ATP8A2: variants seen among roughly 807,000 people sequenced by gnomAD.
ATP8A2 encodes ATPase phospholipid transporting 8A2.
ATP8A2 carries 100 observed loss-of-function variants against 165.6 expected under a neutral mutation model. The ratio of observed to expected loss-of-function variants is 0.60; its 90% CI spans 0.51 to 0.71. The LOEUF (loss-of-function observed/expected upper bound fraction) is 0.71, where lower values mean the gene tolerates loss of function less well. Ranked by LOEUF, ATP8A2 falls within the 30% of genes least tolerant of loss-of-function variation. The pLI, the probability that ATP8A2 is intolerant of heterozygous loss-of-function variation, is 0.00. For synonymous variants in ATP8A2, 543 were observed against 548.8 expected (o/e 0.99, Z 0.15); for missense variants, 1,227 against 1,479.5 (o/e 0.83, Z 2.80).
intron 27 of ATP8A2, among the ~76,000 whole-genome samples, chr13:25,790,987 C>T (rs1173703336): frequency 6.6e-6 from 1 of 152,040 alleles, no homozygotes; most frequent in South Asian, 2.1e-4. Context: ...TTCCCAAAGA[C>T]CTAAAAACAG....
chr13:25,693,743 G>T (rs2042778151), intron 24 of ATP8A2, among the ~76,000 whole-genome samples: 1 of 152,110 alleles, frequency 6.6e-6, no homozygotes, highest in Admixed American at 6.5e-5. Context: ...AGGTTGGAGT[G>T]CAGTGGCACG....
chr13:25,742,945 G>A (rs2043948861), intron 25 of ATP8A2, among the ~76,000 whole-genome samples: 2 of 151,896 alleles, frequency 1.3e-5, no homozygotes, highest in African/African-American at 4.8e-5. Flanking sequence ...GGAAGGGAGG[G>A]GATTTATTGA....
chr13:25,576,120 C>G (rs979186509), intron 19 of ATP8A2, among the ~76,000 whole-genome samples: 1 of 152,124 alleles, frequency 6.6e-6, no homozygotes, highest in African/African-American at 2.4e-5. Context: ...GTTTCAAGAA[C>G]TGCTAGGAGT....
chr13:25,681,611 A>C (rs546835744), intron 24 of ATP8A2, among the ~76,000 whole-genome samples: 1 of 152,304 alleles, frequency 6.6e-6, no homozygotes, highest in South Asian at 2.1e-4. Context: ...CCACAATAAC[A>C]AAAAATGGCT....
At chr13:25,651,106 C>T (rs924126801) in intron 24 of ATP8A2, among the ~76,000 whole-genome samples, 4 of 152,008 alleles carry the variant, frequency 2.6e-5, no homozygotes, top group African/African-American at 9.7e-5. Flanking sequence ...TTGAAATTTT[C>T]TTTGTGAGAA....
chr13:25,920,384 C>A (rs1220579860), intron 33 of ATP8A2, among the ~76,000 whole-genome samples: 2 of 151,282 alleles, frequency 1.3e-5, no homozygotes, highest in African/African-American at 4.9e-5. Flanking sequence ...CCAGATGTAT[C>A]AATCTACACA....
At chr13:25,747,824 A>AC (rs1287393948) in intron 25 of ATP8A2, among the ~76,000 whole-genome samples, 19 of 152,338 alleles carry the variant, frequency 1.2e-4, no homozygotes, top group African/African-American at 4.3e-4. Context: ...ATAACATTGA[A>AC]TCACCAAGAA....
chr13:25,721,030 A>G (rs904181368), intron 25 of ATP8A2, among the ~76,000 whole-genome samples: 2 of 149,812 alleles, frequency 1.3e-5, no homozygotes, highest in East Asian at 3.9e-4. Flanking sequence ...CAGTGATGCA[A>G]TCTGTACCTC....
intron 27 of ATP8A2, among the ~76,000 whole-genome samples, chr13:25,810,155 C>T (rs1393006895): frequency 6.6e-6 from 1 of 152,198 alleles, no homozygotes; most frequent in East Asian, 1.9e-4. Context: ...ATATTGACTA[C>T]TGTGGGAAAA....
chr13:25,471,008 G>A (rs2035828153), intron 2 of ATP8A2, among the ~76,000 whole-genome samples: 1 of 152,110 alleles, frequency 6.6e-6, no homozygotes, highest in Admixed American at 6.5e-5. Context: ...ATGTGGATGG[G>A]GTTTCATTTT....
chr13:25,443,023 T>C (rs1455175734), intron 1 of ATP8A2, among the ~76,000 whole-genome samples: 4 of 152,246 alleles, frequency 2.6e-5, no homozygotes, highest in Non-Finnish European at 5.9e-5. Flanking sequence ...ATAGTATTAA[T>C]AGTTGCACAA....
At chr13:25,761,395 A>G (rs908869198) in intron 25 of ATP8A2, among the ~76,000 whole-genome samples, 2 of 152,210 alleles carry the variant, frequency 1.3e-5, no homozygotes, top group African/African-American at 4.8e-5. Flanking sequence ...TGTGTTAAAT[A>G]GTCATTTGTA....
chr13:25,772,285 A>AT lies in ATP8A2; in HGVS notation c.2569-2555dup, dbSNP rs1028099992. ...GACAGCATTTTGATTTAGAATATAC[A>AT]TTTTTTTTTCCTGAAAACAAATCAC... On this transcript the variant is annotated intron_variant, in intron 26 of 36. Coordinates refer to ENST00000381655, the MANE Select transcript of ATP8A2 (RefSeq NM_016529.6). Among the ~76,000 whole-genome samples, 26 of 150,978 alleles carry AT rather than the reference A, an allele frequency of 1.7e-4. No homozygotes were observed. The East Asian group carries it at 1.9e-3, about 11-fold the overall frequency.
chr13:25,714,174 A>T (rs1490170121), intron 25 of ATP8A2, among the ~76,000 whole-genome samples: 1 of 151,902 alleles, frequency 6.6e-6, no homozygotes, highest in Non-Finnish European at 1.5e-5. Flanking sequence ...AAGGAAGAAA[A>T]CCTTCTGGTG....
intron 33 of ATP8A2, among the ~76,000 whole-genome samples, chr13:25,948,164 C>T: frequency 6.6e-6 from 1 of 152,114 alleles, no homozygotes; most frequent in South Asian, 2.1e-4. Flanking sequence ...AACCCTTCCA[C>T]CTCTCTGAGA....
At chr13:25,966,162 T>C (rs1029411627) in intron 34 of ATP8A2, among the ~76,000 whole-genome samples, 2 of 152,120 alleles carry the variant, frequency 1.3e-5, no homozygotes, top group Non-Finnish European at 2.9e-5. Flanking sequence ...CTTGAGTCAG[T>C]AGCCAGCACC....
chr13:25,687,694 A>G (rs894702919), intron 24 of ATP8A2, among the ~76,000 whole-genome samples: 1 of 151,654 alleles, frequency 6.6e-6, no homozygotes, highest in Non-Finnish European at 1.5e-5. Flanking sequence ...CATGCCTATT[A>G]CTTATTCCCA....
intron 24 of ATP8A2, among the ~76,000 whole-genome samples, chr13:25,599,953 C>T (rs2040339487): frequency 6.6e-6 from 1 of 152,178 alleles, no homozygotes; most frequent in Non-Finnish European, 1.5e-5. Context: ...ACTATAGGAA[C>T]AGTCAGAGTT....
At chr13:25,457,435 A>T (rs767949382) in intron 1 of ATP8A2, among the ~76,000 whole-genome samples, 4 of 152,216 alleles carry the variant, frequency 2.6e-5, no homozygotes, top group Non-Finnish European at 5.9e-5. Flanking sequence ...AATGATTCTT[A>T]TAGTAACAAA....
Sources: allele counts gnomAD v4.1 joint callset (sites outside exome capture counted in the v4.1 genomes callset), GRCh38; gene constraint gnomAD v4.1.1; transcripts MANE v1.5; gene names NCBI Gene and HGNC (gene_info 2026-07-23, HGNC 2026-07-21).